CTNNA2: variants seen among roughly 807,000 people sequenced by gnomAD.
The protein encoded by CTNNA2 is catenin alpha-2.
CTNNA2 carries 42 observed loss-of-function variants against 101.0 expected under a neutral mutation model. The observed-to-expected ratio is 0.42, with a 90% CI of 0.32 to 0.54. The LOEUF is 0.54. Among genes scored for constraint, CTNNA2 ranks in the 20% least tolerant of loss-of-function variants. CTNNA2 has a pLI of 0.14. For synonymous variants in CTNNA2, 450 were observed against 456.4 expected, an observed-to-expected ratio of 0.99 and a Z score of 0.18; for missense variants, 871 against 1,223.1, an observed-to-expected ratio of 0.71 and a Z score of 4.29.
At chr2:79,807,226 CTCT>C (rs1558945737) in intron 3 of CTNNA2, among the ~76,000 whole-genome samples, 4 of 152,102 alleles carry the variant, frequency 2.6e-5, no homozygotes, top group African/African-American at 7.2e-5. Context: ...CCTCCTATTT[CTCT>C]TCTTTGTAGA....
intron 3 of CTNNA2, among the ~76,000 whole-genome samples, chr2:79,854,275 C>A (rs1680959582): frequency 6.6e-6 from 1 of 152,224 alleles, no homozygotes; most frequent in Non-Finnish European, 1.5e-5. Flanking sequence ...CTTCTTACTG[C>A]ATTTTGGATG....
At chr2:79,873,752 A>G (rs1214758811) in intron 5 of CTNNA2, among the ~76,000 whole-genome samples, 1 of 151,520 alleles carries the variant, frequency 6.6e-6, no homozygotes, top group African/African-American at 2.4e-5. Flanking sequence ...TTTTTTTTTA[A>G]CTAGCCTGGT....
chr2:79,277,896 C>T (rs969714795), intron 2 of CTNNA2, among the ~76,000 whole-genome samples: 14 of 152,020 alleles, frequency 9.2e-5, no homozygotes, highest in Admixed American at 8.5e-4. Flanking sequence ...AAACTGTGCT[C>T]CAAAGCCCTC....
At chr2:79,487,720 C>T (rs922821397) in intron 4 of CTNNA2, among the ~76,000 whole-genome samples, 6 of 152,184 alleles carry the variant, frequency 3.9e-5, no homozygotes, top group African/African-American at 1.4e-4. Flanking sequence ...TCACATCTCA[C>T]TACCACTGCA....
chr2:79,381,222 C>G (rs1415963026), intron 4 of CTNNA2, among the ~76,000 whole-genome samples: 4 of 152,092 alleles, frequency 2.6e-5, no homozygotes, highest in Non-Finnish European at 5.9e-5. Flanking sequence ...TTGATGGTCA[C>G]CCACTCAGCT....
chr2:80,079,775 C>T (rs183544956), intron 7 of CTNNA2, among the ~76,000 whole-genome samples: 23 of 149,350 alleles, frequency 1.5e-4, no homozygotes, highest in Middle Eastern at 3.5e-3. Flanking sequence ...GATTGCGCCA[C>T]TGCACTCCAG....
At chr2:79,930,846 C>G (rs1318195513) in intron 7 of CTNNA2, among the ~76,000 whole-genome samples, 1 of 152,116 alleles carries the variant, frequency 6.6e-6, no homozygotes, top group Admixed American at 6.5e-5. Context: ...TACAGTTAGG[C>G]AGGTCTTTGG....
chr2:80,357,240 GT>G (rs397742455), intron 7 of CTNNA2, among the ~76,000 whole-genome samples: 19 of 137,026 alleles, frequency 1.4e-4, no homozygotes, highest in African/African-American at 3.3e-4. Flanking sequence ...TTTTTTTTTT[GT>G]TTTTTTTTTG....
At chr2:80,313,452 A>C in intron 7 of CTNNA2, 55 of 1,508,496 alleles carry the variant, frequency 3.6e-5, no homozygotes, top group Non-Finnish European at 4.8e-5. Context: ...ATGAGTAACA[A>C]ACCAATATTA....
intron 9 of CTNNA2, among the ~76,000 whole-genome samples, chr2:80,544,243 A>G (rs72622682): frequency 0.065 from 9,812 of 151,260 alleles, 740 homozygotes; most frequent in African/African-American, 0.18. Context: ...GGAAGGGGCC[A>G]GGAACCAAGG....
intron 4 of CTNNA2, among the ~76,000 whole-genome samples, chr2:79,403,820 A>G (rs2218881): frequency 1.3e-5 from 2 of 152,034 alleles, no homozygotes; most frequent in South Asian, 2.1e-4. Context: ...TTGAGTGTTG[A>G]TGGGGGTGTA....
At chr2:80,222,358 C>T (rs192135569) in intron 7 of CTNNA2, among the ~76,000 whole-genome samples, 2 of 152,206 alleles carry the variant, frequency 1.3e-5, no homozygotes, top group East Asian at 3.9e-4. Flanking sequence ...TTCCTTATAC[C>T]ATGCATAGTT....
chr2:80,554,343 A>G (rs1249339255), intron 11 of CTNNA2, among the ~76,000 whole-genome samples: 2 of 152,222 alleles, frequency 1.3e-5, no homozygotes, highest in African/African-American at 2.4e-5. Context: ...TTTGGCAGTT[A>G]TAATTTTAAA....
At chr2:80,437,004 T>A (rs74953293) in intron 9 of CTNNA2, among the ~76,000 whole-genome samples, 4,999 of 152,242 alleles carry the variant, frequency 0.033, 257 homozygotes, top group African/African-American at 0.11. Context: ...GACTGGGTAA[T>A]GAGGGCTTCA....
intron 7 of CTNNA2, among the ~76,000 whole-genome samples, chr2:79,966,166 G>T (rs971414401): frequency 2.6e-5 from 4 of 151,908 alleles, no homozygotes; most frequent in African/African-American, 7.3e-5. Flanking sequence ...ATTAGATAAG[G>T]TATTTATTTA....
intron 1 of CTNNA2, among the ~76,000 whole-genome samples, chr2:79,598,061 A>T (rs1677314274): frequency 6.6e-6 from 1 of 152,230 alleles, no homozygotes; most frequent in Non-Finnish European, 1.5e-5. Context: ...TTATAGTTAG[A>T]ATCATACAGT....
At chr2:79,425,476 G>A (rs1466184606) in intron 4 of CTNNA2, among the ~76,000 whole-genome samples, 2 of 152,146 alleles carry the variant, frequency 1.3e-5, no homozygotes, top group Non-Finnish European at 2.9e-5. Flanking sequence ...GTCAGGTTCA[G>A]TTGTCTGGTA....
intron 3 of CTNNA2, among the ~76,000 whole-genome samples, chr2:79,751,205 A>G (rs1444605685): frequency 1.3e-5 from 2 of 152,172 alleles, no homozygotes; most frequent in African/African-American, 2.4e-5. Context: ...GGCTGTATCT[A>G]ATTTTCAAAG....
intron 18 of CTNNA2, 98 bp from the exon 19 acceptor site, chr2:80,647,487 A>G: frequency 9.1e-7 from 1 of 1,094,412 alleles, no homozygotes; most frequent in Admixed American, 2.5e-5. Flanking sequence ...ATTTATTTGC[A>G]CAAGGAAAAC....
Sources: gnomAD v4.1 joint callset for allele counts (sites outside exome capture counted in the v4.1 genomes callset) on GRCh38, gnomAD v4.1.1 for gene constraint, MANE v1.5 for transcripts, NCBI Gene and HGNC (gene_info 2026-07-23, HGNC 2026-07-21) for gene names.